The following GUCY1A2 variants were observed in gnomAD, a reference collection of about 807,000 sequenced individuals.
GUCY1A2 encodes the protein guanylate cyclase 1 soluble subunit alpha 2.
Under a neutral mutation model 63.5 loss-of-function variants are expected in GUCY1A2, and 27 were observed. The observed-to-expected ratio is 0.43, with a 90% CI of 0.31 to 0.59. GUCY1A2 has a LOEUF of 0.59. Among genes scored for constraint, GUCY1A2 ranks in the 20% least tolerant of loss-of-function variants. GUCY1A2 has a pLI of 0.11. For missense variants in GUCY1A2, 768 were observed against 913.3 expected (o/e 0.84, Z 2.05); for synonymous variants, 364 against 343.5 (o/e 1.06, Z -0.66).
intron 5 of GUCY1A2, among the ~76,000 whole-genome samples, chr11:106,801,920 T>A (rs1390532530): frequency 1.3e-5 from 2 of 152,112 alleles, no homozygotes; most frequent in Non-Finnish European, 2.9e-5. Flanking sequence ...TTCCACAGGA[T>A]TGTTCTGGAA....
chr11:106,712,759 ACT>A (rs1393285515), intron 6 of GUCY1A2, among the ~76,000 whole-genome samples: 1 of 152,108 alleles, frequency 6.6e-6, no homozygotes, highest in East Asian at 1.9e-4. Flanking sequence ...AACCTTGAGT[ACT>A]CTCTGCAGTG....
intron 6 of GUCY1A2, among the ~76,000 whole-genome samples, chr11:106,710,115 GTATATAATATAGTTATA>G (rs1449107991): frequency 3.3e-5 from 3 of 90,110 alleles, no homozygotes; most frequent in African/African-American, 4.5e-5. Flanking sequence ...TTATATACAT[GTATATAATATAGTTATA>G]TATATAATAT....
chr11:106,836,580 TG>T, intron 4 of GUCY1A2, among the ~76,000 whole-genome samples: 1 of 152,122 alleles, frequency 6.6e-6, no homozygotes, highest in Non-Finnish European at 1.5e-5. Flanking sequence ...GGACTTCATG[TG>T]GGCCCCATGG....
At chr11:106,799,314 A>T (rs528302531) in intron 5 of GUCY1A2, among the ~76,000 whole-genome samples, 2 of 152,342 alleles carry the variant, frequency 1.3e-5, no homozygotes, top group Admixed American at 6.5e-5. Flanking sequence ...GAAAATGGCC[A>T]TACTGCCCGA....
Position 106,687,486 on chromosome 11 carries a change from C to T in GUCY1A2, c.*63G>A. 8.6e-7 allele frequency: 1 copy of T among 1,164,058 alleles called. No individual in the cohort carries two copies. Among genetic ancestry groups the T allele is most frequent in the Non-Finnish European group, 1.3e-6 (1 of 773,838 alleles). The allele number at this position is 1,164,058 out of a possible 1,614,324, so 72.1% of individuals were successfully genotyped here. On this transcript the variant is annotated 3_prime_UTR_variant, in exon 8 of 8. Transcript: ENST00000526355. ...AAAGAGACACAATCTCTTTCCACCCCCCATTGGTGACCCATGTTCTGGGCT... is the reference window on the plus strand; with the variant it reads ...AAAGAGACACAATCTCTTTCCACCCTCCATTGGTGACCCATGTTCTGGGCT...
chr11:106,815,694 T>C (rs918576477), intron 4 of GUCY1A2, among the ~76,000 whole-genome samples: 2 of 152,108 alleles, frequency 1.3e-5, no homozygotes, highest in African/African-American at 4.8e-5. Context: ...GAGACAAATA[T>C]GATAATATTA....
chr11:106,728,703 G>A (rs1273852177), intron 6 of GUCY1A2, among the ~76,000 whole-genome samples: 1 of 152,118 alleles, frequency 6.6e-6, no homozygotes, highest in Admixed American at 6.6e-5. Context: ...AACTGAAGAT[G>A]TAAATTTTAT....
At chr11:106,847,405 G>C (rs982405047) in intron 4 of GUCY1A2, among the ~76,000 whole-genome samples, 1 of 151,120 alleles carries the variant, frequency 6.6e-6, no homozygotes, top group Non-Finnish European at 1.5e-5. Context: ...AAATAAATAG[G>C]ATCTTACACA....
At chr11:106,914,006 A>C (rs1046991017) in intron 4 of GUCY1A2, among the ~76,000 whole-genome samples, 5 of 151,078 alleles carry the variant, frequency 3.3e-5, no homozygotes, top group African/African-American at 9.7e-5. Flanking sequence ...AAAAAAAAGA[A>C]AGAAAGAAAG....
chr11:106,960,821 A>G (rs965785714), intron 3 of GUCY1A2, among the ~76,000 whole-genome samples: 4 of 152,126 alleles, frequency 2.6e-5, no homozygotes, highest in African/African-American at 4.8e-5. Context: ...AAGGAAGAAC[A>G]AAGTAACAGC....
chr11:106,903,183 C>G (rs1860158247), intron 4 of GUCY1A2, among the ~76,000 whole-genome samples: 1 of 151,944 alleles, frequency 6.6e-6, no homozygotes, highest in Non-Finnish European at 1.5e-5. Flanking sequence ...TAAATATTAT[C>G]TAATAATTAT....
rs1591292326 is a variant in GUCY1A2 at position 106,826,323 on chromosome 11, C to A, written c.1207-15845G>T. On this transcript the variant is annotated intron_variant, in intron 4 of 7. Coordinates refer to ENST00000526355, the MANE Select transcript of GUCY1A2 (RefSeq NM_000855.3). ...TCATCATTAACTCAATACAGTCATT[C>A]ATTTTATTGACTTGTGATTTTTCTG... is the stretch of plus-strand genomic sequence containing the variant. 8 of 1,238,842 alleles carry A rather than the reference C, an allele frequency of 6.5e-6. No homozygotes were observed. The East Asian group carries it at 2.0e-4, about 30-fold the overall frequency. The allele number at this position is 1,238,842 out of a possible 1,614,324, so 76.7% of individuals were successfully genotyped here.
intron 5 of GUCY1A2, among the ~76,000 whole-genome samples, chr11:106,809,515 T>C (rs1480087065): frequency 2.6e-5 from 4 of 152,126 alleles, no homozygotes; most frequent in Admixed American, 2.0e-4. Context: ...TATTTATATA[T>C]AGGTTTTTTT....
chr11:106,701,231 A>AT (rs893445679), intron 7 of GUCY1A2, among the ~76,000 whole-genome samples: 26 of 150,262 alleles, frequency 1.7e-4, no homozygotes, highest in African/African-American at 4.1e-4. Context: ...GCAACAGACA[A>AT]TTTTTTTTTT....
intron 4 of GUCY1A2, among the ~76,000 whole-genome samples, chr11:106,938,287 C>T (rs1860706106): frequency 6.6e-6 from 1 of 152,124 alleles, no homozygotes; most frequent in Non-Finnish European, 1.5e-5. Context: ...CATTGAACTT[C>T]AAAATTATAA....
rs191107373 is a variant in GUCY1A2, at chr11:106,957,489, C to A, written c.488-17311G>T. Among the ~76,000 whole-genome samples the A allele has an allele frequency of 1.4e-3, 214 of 152,126 alleles. 1 individual carries two copies. Among genetic ancestry groups the A allele is most frequent in the African/African-American group, 4.9e-3 (205 of 41,510 alleles). The stretch of plus-strand genomic sequence containing the variant: ...CAGGGTTCTGTGGAAAAAGCAGTTT[C>A]CCTAGCGCACTCACTCACCACCGCC... On this transcript the variant is annotated intron_variant, in intron 3 of 7. Transcript: ENST00000526355.
At chr11:106,849,590 C>A (rs1859323524) in intron 4 of GUCY1A2, among the ~76,000 whole-genome samples, 1 of 151,560 alleles carries the variant, frequency 6.6e-6, no homozygotes, top group Admixed American at 6.6e-5. Flanking sequence ...GATTTGAGCC[C>A]TCTCCCAGCT....
chr11:106,711,587 T>C (rs750758569), intron 6 of GUCY1A2, among the ~76,000 whole-genome samples: 1 of 152,170 alleles, frequency 6.6e-6, no homozygotes, highest in Non-Finnish European at 1.5e-5. Flanking sequence ...AGCACCCTCA[T>C]GTTCCAACTC....
chr11:106,721,944 G>A (rs1863323988), intron 6 of GUCY1A2, among the ~76,000 whole-genome samples: 1 of 152,156 alleles, frequency 6.6e-6, no homozygotes, highest in South Asian at 2.1e-4. Context: ...CTCAAATTTT[G>A]AGAACCATTA....
Sources: allele counts gnomAD v4.1 joint callset (sites outside exome capture counted in the v4.1 genomes callset), GRCh38; gene constraint gnomAD v4.1.1; transcripts MANE v1.5; gene names NCBI Gene and HGNC (gene_info 2026-07-23, HGNC 2026-07-21).